ABI3: variants seen among roughly 807,000 people sequenced by gnomAD.
ABI3 encodes the protein ABI family member 3, also known as ABI gene family member 3.
In ABI3, 24 loss-of-function variants were observed where a neutral mutation model predicts 37.0. The observed-to-expected ratio is 0.65, with a 90% CI of 0.47 to 0.91. ABI3 has a LOEUF of 0.91. ABI3 is among the 40% of genes least tolerant of loss of function. The pLI, the probability that ABI3 is intolerant of heterozygous loss-of-function variation, is 0.00. For synonymous variants in ABI3, 220 were observed against 211.8 expected, an observed-to-expected ratio of 1.04 and a Z score of -0.34; for missense variants, 481 against 485.1, an observed-to-expected ratio of 0.99 and a Z score of 0.08.
chr17:49,222,868 G>A lies in ABI3; in HGVS notation c.*153G>A. ...CTTCCTCCCATCGGAGGGAGAAGGG[G>A]TCCTGGGGAGAGAGAATTTATCCAG... is the stretch of plus-strand genomic sequence containing the variant. On this transcript the variant is annotated 3_prime_UTR_variant, in exon 8 of 8. Transcript: ENST00000225941. 2 of 872,202 alleles carry A rather than the reference G, an allele frequency of 2.3e-6. No individual in the cohort carries two copies. Among genetic ancestry groups the A allele is most frequent in the Non-Finnish European group, 3.4e-6 (2 of 588,322 alleles). The allele number at this position is 872,202 out of a possible 1,614,324, so 54.0% of individuals were successfully genotyped here.
rs199538050 is a variant in ABI3, at chr17:49,222,147, G to A, written c.859G>A (p.Glu287Lys). 5 of 1,613,808 alleles carry A rather than the reference G, an allele frequency of 3.1e-6. No homozygotes were observed. The Admixed American group carries it at 5.0e-5, about 16-fold the overall frequency. Residue 287 changes from glutamate (E) to lysine (K), a missense_variant, in exon 7 of 8, where the codon GAA (glutamate) becomes AAA (lysine). By Grantham distance (56) the Glu-to-Lys change is moderately conservative. Transcript: ENST00000225941. ...LPPPPPLDGD[E>K]LGLPPPPPGF... The stretch of plus-strand genomic sequence containing the variant: ...TCCTCCTCCACCCCTGGATGGAGAT[G>A]AATTGGGGCTGCCTCCACCCCCACC...
chr17:49,222,515 G>C (rs2043302723), intron 7 of ABI3, 37 bp from the exon 8 acceptor site: 2 of 1,607,516 alleles, frequency 1.2e-6, no homozygotes, highest in Non-Finnish European at 1.7e-6. Flanking sequence ...AGGGCAAGAG[G>C]CATTATCTCA....
chr17:49,211,966 G>A (rs593663), intron 1 of ABI3, among the ~76,000 whole-genome samples: 143,920 of 149,282 alleles, frequency 0.96, 69,428 homozygotes, highest in South Asian at 0.99. Flanking sequence ...TTTTTTTGAC[G>A]GGGTCTCCTC....
rs748501649 is a variant in ABI3 at position 49,219,907 on chromosome 17, G to A, written c.598G>A (p.Gly200Ser). Residue 200 changes from glycine to serine, a missense_variant, in exon 5 of 8, where the codon GGC becomes AGC. Transcript: ENST00000225941. This position sits in a 1 kb window ranked among gnomAD's most constrained non-coding sequence, Gnocchi z 4.3. ...AGTGCACCTGCCGGTGGTGCCCGAC[G>A]GCAGACTCTCCGCCGCCTCCTCTGC... is the stretch of plus-strand genomic sequence containing the variant. ...EPVHLPVVPDGRLSAASSAFS... is the reference protein window; with the variant it reads ...EPVHLPVVPDSRLSAASSAFS... 5.1e-6 allele frequency: 8 copies of A among 1,556,840 alleles called. No homozygotes were observed. Among genetic ancestry groups the A allele is most frequent in the Middle Eastern group, 1.7e-4 (1 of 5,988 alleles).
rs746098246 is a variant in ABI3 at position 49,222,589 on chromosome 17, T to G, written c.975T>G (p.Asn325Lys). The G allele has an allele frequency of 6.2e-7, 1 of 1,614,040 alleles. No individual in the cohort carries two copies. The highest frequency in any genetic ancestry group is 2.2e-5 in the East Asian group (1 of 44,882). ...TLYPYTSQKD[N>K]ELSFSEGTVI... is the part of the protein sequence containing the mutation. ...ACCCATACACCAGCCAGAAGGACAA[T>G]GAGCTCTCCTTCTCTGAGGGCACTG... The change falls in exon 8 of 8, where the codon AAT becomes AAG. Residue 325 changes from asparagine (N) to lysine (K), a missense_variant. Asn to Lys is a moderately conservative substitution (Grantham distance 94). Transcript: ENST00000225941.
chr17:49,217,904 C>G lies in ABI3; in HGVS notation c.451C>G (p.His151Asp). The G allele has an allele frequency of 6.4e-7, 1 of 1,564,392 alleles. No homozygotes were observed. ...LNFGCLDDIGHGIKDLSTQLS... is the reference protein window; with the variant it reads ...LNFGCLDDIGDGIKDLSTQLS... Reference sequence around the variant, plus strand: ...CTTTGGCTGCCTGGACGACATTGGCCATGGGATCAAGGTAGAGAGAGGGGC... The same window carrying G: ...CTTTGGCTGCCTGGACGACATTGGCGATGGGATCAAGGTAGAGAGAGGGGC... The change falls in exon 3 of 8, where the codon CAT becomes GAT. Residue 151 changes from histidine (H) to aspartate (D), a missense_variant. Coordinates refer to ENST00000225941, the MANE Select transcript of ABI3 (RefSeq NM_016428.3).
At chr17:49,222,410 G>T in intron 7 of ABI3, 142 bp from the exon 8 acceptor site, 1 of 1,342,124 alleles carries the variant, frequency 7.5e-7, no homozygotes, top group Non-Finnish European at 1.0e-6. Flanking sequence ...AGCTGGGGAG[G>T]GGTCCTGAAG....
At chr17:49,220,034 A>T (rs2043265653) in intron 5 of ABI3, 81 bp downstream of exon 5, 1 of 1,529,624 alleles carries the variant, frequency 6.5e-7, no homozygotes, top group Non-Finnish European at 8.8e-7. Context: ...GGTCATAGTG[A>T]CTCCTGGGCT....
At chr17:49,215,638 C>T (rs148920237) in intron 1 of ABI3, among the ~76,000 whole-genome samples, 4,086 of 152,126 alleles carry the variant, frequency 0.027, 77 homozygotes, top group African/African-American at 0.043. Flanking sequence ...GCTGGGATTA[C>T]AGGCAGGCAC....
At chr17:49,212,625 C>G (rs926113659) in intron 1 of ABI3, among the ~76,000 whole-genome samples, 3 of 152,128 alleles carry the variant, frequency 2.0e-5, no homozygotes, top group Admixed American at 2.0e-4. Context: ...CATCTGAAGT[C>G]CGGTGAGGCG....
Position 49,217,971 on chromosome 17 carries a change from C to G in ABI3, c.462+56C>G. 7.6e-6 allele frequency: 11 copies of G among 1,452,614 alleles called. No individual in the cohort carries two copies. In the South Asian group the frequency reaches 1.6e-4, roughly 21 times the overall value. 90.0% of individuals were successfully genotyped at this position (1,452,614 alleles called of 1,614,324 possible). A position where few individuals can be genotyped will look rare whatever the true frequency, so the allele number is the denominator to read the frequency against. ...AACCCACCCTCTCGTGCCTTGTGGC[C>G]CCTTTCCCTCCAGAACCCCAGTTCT... On this transcript the variant is annotated intron_variant, in intron 3 of 7. Coordinates refer to ENST00000225941, the MANE Select transcript of ABI3 (RefSeq NM_016428.3).
At chr17:49,216,015 G>GT (rs1376331239) in intron 1 of ABI3, among the ~76,000 whole-genome samples, 16 of 151,626 alleles carry the variant, frequency 1.1e-4, no homozygotes, top group Non-Finnish European at 7.4e-5. Context: ...GGAGGCTGAG[G>GT]CAGGAGAATC....
chr17:49,213,237 C>A (rs1036112933), intron 1 of ABI3, among the ~76,000 whole-genome samples: 2 of 152,216 alleles, frequency 1.3e-5, no homozygotes, highest in African/African-American at 4.8e-5. Context: ...TAATAAGAAT[C>A]AGTTCTAGGG....
chr17:49,217,680 G>C (rs1444354936), intron 2 of ABI3, 59 bp from the exon 3 acceptor site: 41 of 1,505,558 alleles, frequency 2.7e-5, no homozygotes, highest in Non-Finnish European at 3.5e-5. Flanking sequence ...TTCCTCCTTA[G>C]GGGGAAGGGT....
intron 1 of ABI3, among the ~76,000 whole-genome samples, chr17:49,214,277 C>T (rs2043199032): frequency 6.6e-6 from 1 of 152,168 alleles, no homozygotes. Context: ...CTGGACTTGC[C>T]CCCTACCTGC....
At chr17:49,222,443 T>G in intron 7 of ABI3, 109 bp from the exon 8 acceptor site, 1 of 1,436,484 alleles carries the variant, frequency 7.0e-7, no homozygotes, top group East Asian at 2.3e-5. Context: ...GCCCCCAAGA[T>G]GGCCCCTAGA....
At chr17:49,222,398 T>C in intron 7 of ABI3, 154 bp from the exon 8 acceptor site, 2 of 1,343,054 alleles carry the variant, frequency 1.5e-6, no homozygotes, top group Non-Finnish European at 2.0e-6. Context: ...AAATATTAAC[T>C]AAGCTGGGGA....
At chr17:49,214,885 T>C (rs1276227649) in intron 1 of ABI3, among the ~76,000 whole-genome samples, 1 of 152,204 alleles carries the variant, frequency 6.6e-6, no homozygotes, top group Non-Finnish European at 1.5e-5. Flanking sequence ...CGAGTGCATA[T>C]TTATGAAGAA....
chr17:49,214,418 A>C (rs2043200288), intron 1 of ABI3, among the ~76,000 whole-genome samples: 2 of 152,318 alleles, frequency 1.3e-5, no homozygotes, highest in African/African-American at 4.8e-5. Context: ...CAACAAAAAA[A>C]AATTTCTTGG....
Sources: gnomAD v4.1 joint callset for allele counts (sites outside exome capture counted in the v4.1 genomes callset) on GRCh38, gnomAD v4.1.1 for gene constraint, Gnocchi (gnomAD v3.1) non-coding constraint, MANE v1.5 for transcripts, NCBI Gene and HGNC (gene_info 2026-07-23, HGNC 2026-07-21) for gene names.